The following USF2 variants were observed in gnomAD, a reference collection of about 807,000 sequenced individuals.
The protein encoded by USF2 is upstream stimulatory factor 2.
USF2 carries 16 observed loss-of-function variants against 46.9 expected under a neutral mutation model. The observed-to-expected ratio is 0.34, with a 90% confidence interval of 0.23 to 0.52. USF2 has a LOEUF of 0.52. USF2 is among the 20% of genes least tolerant of loss of function. The pLI is 0.96. For missense variants in USF2, 411 were observed against 474.0 expected, an observed-to-expected ratio of 0.87 and a Z score of 1.23; for synonymous variants, 239 against 194.1, an observed-to-expected ratio of 1.23 and a Z score of -1.92.
At position 35,270,531 on chromosome 19, in the gene USF2, G is replaced by A. The variant is rs747352642; in HGVS notation, c.514G>A (p.Ala172Thr). ...SGEARFAYFP[A>T]SSVGDTTAVS... ...GGAGGCACGATTTGCCTATTTCCCA[G>A]CGTCCAGTGTGGGAGATACTACGGC... Residue 172 changes from alanine (A) to threonine (T), a missense_variant, in exon 5 of 10, where the codon GCG becomes ACG. Transcript: ENST00000222305. The A allele has an allele frequency of 6.2e-7, 1 of 1,614,216 alleles. No individual in the cohort carries two copies.
At chr19:35,272,123 C>T (rs77937057) in intron 7 of USF2, among the ~76,000 whole-genome samples, 3,681 of 152,226 alleles carry the variant, frequency 0.024, 103 homozygotes, top group East Asian at 0.07. Flanking sequence ...GCAGCTCCTC[C>T]CTGAGTTCAG....
At chr19:35,272,023 A>C (rs2066163803) in intron 7 of USF2, among the ~76,000 whole-genome samples, 2 of 152,140 alleles carry the variant, frequency 1.3e-5, no homozygotes, top group South Asian at 4.1e-4. Flanking sequence ...AAGATCGGGA[A>C]GGCCTCGAAT....
rs1314558306 is a variant in USF2, at chr19:35,269,567, C to A, written c.110-14C>A. 1 of 1,573,580 alleles carries A rather than the reference C, an allele frequency of 6.4e-7. No homozygotes were observed. Among genetic ancestry groups the A allele is most frequent in the African/African-American group, 1.4e-5 (1 of 73,386 alleles). On this transcript the variant is annotated splice_polypyrimidine_tract_variant and intron_variant, in intron 2 of 9. Coordinates refer to ENST00000222305, the MANE Select transcript of USF2 (RefSeq NM_003367.4). ...GCGCGGCCCTGACCGTGCCCCGACC[C>A]TCCTCGGCCCCAGGCGGGGACGGCC...
intron 7 of USF2, chr19:35,275,208 A>G (rs1318570649): frequency 6.6e-6 from 1 of 151,952 alleles, no homozygotes; most frequent in Non-Finnish European, 1.5e-5. Flanking sequence ...TGCCACACCT[A>G]GCTAGTTTTT....
At position 35,269,839 on chromosome 19, in the gene USF2, C is replaced by T. The variant is rs749804522; in HGVS notation, c.265C>T (p.Leu89=). The change falls in exon 4 of 10, where the codon CTG becomes TTG. Residue 89 remains leucine (L), a synonymous_variant. Transcript: ENST00000222305. ...YRVVQVTDGQ[L]DGQGDTAGAV... ...CGTAGTCCAGGTGACTGATGGTCAGCTGGACGGCCAGGGCGACACAGCTGG... is the reference window on the plus strand; with the variant it reads ...CGTAGTCCAGGTGACTGATGGTCAGTTGGACGGCCAGGGCGACACAGCTGG... 3 of 1,448,248 alleles carry T rather than the reference C, an allele frequency of 2.1e-6. No individual in the cohort carries two copies. The highest frequency in any genetic ancestry group is 2.9e-5 in the East Asian group (1 of 33,922). 89.7% of individuals were successfully genotyped at this position (1,448,248 alleles called of 1,614,324 possible). A position where few individuals can be genotyped will look rare whatever the true frequency, so the allele number is the denominator to read the frequency against.
intron 7 of USF2, among the ~76,000 whole-genome samples, chr19:35,272,089 G>A (rs183492543): frequency 2.0e-5 from 3 of 152,300 alleles, no homozygotes; most frequent in South Asian, 2.1e-4. Context: ...ACTGGGGTCT[G>A]TGGCCCAGGT....
Position 35,269,255 on chromosome 19 carries a change from C to T in USF2, c.62+92C>T, listed in dbSNP as rs1450948682. ...CGGGGCCGCCATGATCCCGAGCGGC[C>T]GCGGGCCCGGCTCAAAATGGAGGCC... On this transcript the variant is annotated intron_variant, in intron 1 of 9. Transcript: ENST00000222305. The T allele has an allele frequency of 5.2e-6, 5 of 960,128 alleles. No homozygotes were observed. In the African/African-American group the frequency reaches 5.5e-5, roughly 11 times the overall value. The allele number at this position is 960,128 out of a possible 1,614,324, so 59.5% of individuals were successfully genotyped here.
At chr19:35,278,872 C>T in intron 8 of USF2, 74 bp from the exon 9 acceptor site, 3 of 1,601,970 alleles carry the variant, frequency 1.9e-6, no homozygotes, top group Middle Eastern at 1.7e-4. Flanking sequence ...AGCCATGGGG[C>T]TCGGGAGTCA....
intron 7 of USF2, among the ~76,000 whole-genome samples, chr19:35,273,933 C>T (rs1291422838): frequency 2.0e-5 from 3 of 152,172 alleles, no homozygotes; most frequent in Non-Finnish European, 4.4e-5. Flanking sequence ...GGTCAGTATC[C>T]CCCAAACTCT....
chr19:35,273,770 C>T (rs540547718), intron 7 of USF2, among the ~76,000 whole-genome samples: 2 of 152,240 alleles, frequency 1.3e-5, no homozygotes, highest in South Asian at 4.1e-4. Flanking sequence ...TGCCCAGGCT[C>T]GTCTTGAACT....
chr19:35,279,242 G>A lies in USF2; in HGVS notation c.1027G>A (p.Gly343Ser), dbSNP rs1177649600. ...QQHNLEMVGE[G>S]TRQ ...GCACAACCTGGAGATGGTGGGCGAG[G>A]GCACCCGGCAGTGACGCCCGCCACC... Residue 343 changes from glycine (G) to serine (S), a missense_variant, in exon 10 of 10, where the codon GGC becomes AGC. Around this residue, in one of 2 missense-constraint regions of USF2, gnomAD observed 93 missense variants for 151.6 expected, o/e 0.61. Transcript: ENST00000222305. 1.3e-6 allele frequency: 2 copies of A among 1,544,700 alleles called. No homozygotes were observed. Among genetic ancestry groups the A allele is most frequent in the Non-Finnish European group, 1.7e-6 (2 of 1,144,876 alleles).
In USF2 at chr19:35,278,774, C is replaced by G; in HGVS notation, c.804C>G (p.Asp268Glu). Reference sequence around the variant, plus strand: ...AAATCATTCCAGACTGTAACGCAGACAACAGCAAGACGGGAGCGGTGAGCA... The same window carrying G: ...AAATCATTCCAGACTGTAACGCAGAGAACAGCAAGACGGGAGCGGTGAGCA... ...LSKIIPDCNA[D>E]NSKTGASKGG... Residue 268 changes from aspartate to glutamate, a missense_variant, in exon 8 of 10, where the codon GAC becomes GAG. By Grantham distance (45) the Asp-to-Glu change is conservative. This residue lies in a region of USF2 where 93 missense variants were observed against 151.6 expected (regional missense o/e 0.61). Coordinates refer to ENST00000222305, the MANE Select transcript of USF2 (RefSeq NM_003367.4). 6.2e-7 allele frequency: 1 copy of G among 1,614,098 alleles called. No individual in the cohort carries two copies. The highest frequency in any genetic ancestry group is 8.5e-7 in the Non-Finnish European group (1 of 1,180,016).
chr19:35,270,633 G>T (rs772041522), intron 5 of USF2, 36 bp downstream of exon 5: 1 of 1,611,402 alleles, frequency 6.2e-7, no homozygotes, highest in Middle Eastern at 1.7e-4. Flanking sequence ...GGTGGGGGAG[G>T]CAACGGGCCC....
In USF2 at chr19:35,278,714, G is replaced by A; in HGVS notation, c.744G>A (p.Arg248=). The change falls in exon 8 of 10, where the codon AGG becomes AGA. Residue 248 remains arginine, a synonymous_variant. Transcript: ENST00000222305. ...AQHNEVERRR[R]DKINNWIVQL... ...TTTCCGCAGTGGAGCGGAGGCGGAG[G>A]GACAAGATCAACAACTGGATCGTCC... The A allele has an allele frequency of 6.2e-7, 1 of 1,614,108 alleles. No homozygotes were observed. The highest frequency in any genetic ancestry group is 8.5e-7 in the Non-Finnish European group (1 of 1,180,012).
At chr19:35,278,652 G>C (rs1282220529) in intron 7 of USF2, 46 bp from the exon 8 acceptor site, 1 of 1,600,802 alleles carries the variant, frequency 6.2e-7, no homozygotes, top group Non-Finnish European at 8.6e-7. Context: ...GGCCGCTCAG[G>C]CATGATCCGT....
In USF2 at chr19:35,279,082, C is replaced by T. The variant is rs180770678; in HGVS notation, c.951+8C>T. 8 of 1,610,800 alleles carry T rather than the reference C, an allele frequency of 5.0e-6. No individual in the cohort carries two copies. The highest frequency in any genetic ancestry group is 2.7e-5 in the African/African-American group (2 of 74,948). On this transcript the variant is annotated splice_region_variant and intron_variant, in intron 9 of 9. Transcript: ENST00000222305. Reference sequence around the variant, plus strand: ...GAGCTCCTGAGGCAGCAGGTGGGTGCGGGGCCTGGAGCGGGTCAGGGCCCA... The same window carrying T: ...GAGCTCCTGAGGCAGCAGGTGGGTGTGGGGCCTGGAGCGGGTCAGGGCCCA...
At chr19:35,269,722 G>T (rs1464659956) in intron 3 of USF2, 23 bp downstream of exon 3, 15 of 1,034,056 alleles carry the variant, frequency 1.5e-5, no homozygotes, top group Non-Finnish European at 1.9e-5. Flanking sequence ...CCGCGAGGGC[G>T]AACGGGCGGG....
rs1377452795 is a variant in USF2, at chr19:35,270,603, G to A, written c.580+6G>A. The A allele has an allele frequency of 3.1e-6, 5 of 1,613,094 alleles. No individual in the cohort carries two copies. The highest frequency in any genetic ancestry group is 4.2e-6 in the Non-Finnish European group (5 of 1,179,316). ...CCAGAGCTTGCAGGCTGGAGGTGAGGAGTAGAAGTCAGATTGGCAGGTGGG... is the reference window on the plus strand; with the variant it reads ...CCAGAGCTTGCAGGCTGGAGGTGAGAAGTAGAAGTCAGATTGGCAGGTGGG... On this transcript the variant is annotated splice_donor_region_variant and intron_variant, in intron 5 of 9. Transcript: ENST00000222305.
In USF2 at chr19:35,271,069, T is replaced by A. The variant is rs774010710; in HGVS notation, c.669-14T>A. ...CGATAATACATGCCCCCTTTTTTTTTCCTCCTCTTGTAGAAAAATTGATGG... is the reference window on the plus strand; with the variant it reads ...CGATAATACATGCCCCCTTTTTTTTACCTCCTCTTGTAGAAAAATTGATGG... On this transcript the variant is annotated splice_polypyrimidine_tract_variant and intron_variant, in intron 6 of 9. Coordinates refer to ENST00000222305, the MANE Select transcript of USF2 (RefSeq NM_003367.4). The A allele has an allele frequency of 3.7e-6, 6 of 1,613,674 alleles. No homozygotes were observed. Among genetic ancestry groups the A allele is most frequent in the Non-Finnish European group, 5.1e-6 (6 of 1,179,916 alleles).
Sources: allele counts gnomAD v4.1 joint callset (sites outside exome capture counted in the v4.1 genomes callset), GRCh38; gene constraint gnomAD v4.1.1; regional missense constraint gnomAD v4.1.1; transcripts MANE v1.5; gene names NCBI Gene and HGNC (gene_info 2026-07-23, HGNC 2026-07-21).